Variants in NCS1 observed in about 807,000 individuals in gnomAD.
The protein encoded by NCS1 is neuronal calcium sensor 1, also known as frequenin homolog.
NCS1 carries 6 observed loss-of-function variants against 28.4 expected under a neutral mutation model. The observed-to-expected ratio is 0.21, with a 90% CI of 0.12 to 0.42. The LOEUF (loss-of-function observed/expected upper bound fraction) is 0.42, where lower values mean the gene tolerates loss of function less well. Among genes scored for constraint, NCS1 ranks in the 10% least tolerant of loss-of-function variants. NCS1 has a pLI of 1.00. For synonymous variants in NCS1, 86 were observed against 99.3 expected, an observed-to-expected ratio of 0.87 and a Z score of 0.79; for missense variants, 131 against 241.4, an observed-to-expected ratio of 0.54 and a Z score of 3.03.
chr9:130,183,695 CTTT>C (rs1208342700), intron 1 of NCS1, among the ~76,000 whole-genome samples: 2 of 151,026 alleles, frequency 1.3e-5, no homozygotes, highest in Non-Finnish European at 3.0e-5. Flanking sequence ...TCCTTTCTTT[CTTT>C]TTTTCTCTCT....
intron 2 of NCS1, among the ~76,000 whole-genome samples, chr9:130,208,807 C>T (rs564792272): frequency 2.0e-5 from 3 of 152,168 alleles, no homozygotes; most frequent in East Asian, 1.9e-4. Context: ...ATACGAGGAG[C>T]GGCCCCATTT....
At chr9:130,185,452 C>T (rs901809545) in intron 1 of NCS1, among the ~76,000 whole-genome samples, 16 of 152,144 alleles carry the variant, frequency 1.1e-4, no homozygotes, top group South Asian at 2.1e-4. Flanking sequence ...GGTTTTCCTC[C>T]GTGGCTGGGG....
intron 2 of NCS1, among the ~76,000 whole-genome samples, chr9:130,203,570 G>A (rs1161827356): frequency 6.6e-5 from 10 of 152,140 alleles, no homozygotes; most frequent in Admixed American, 3.3e-4. Context: ...TGTCCCCCAC[G>A]CCCATTGCCC....
intron 1 of NCS1, among the ~76,000 whole-genome samples, chr9:130,198,162 A>T (rs1380645086): frequency 6.6e-6 from 1 of 151,950 alleles, no homozygotes; most frequent in African/African-American, 2.4e-5. Context: ...CCTGCTGATC[A>T]CCCAGGGTTC....
At position 130,226,840 on chromosome 9, in the gene NCS1, C is replaced by T. The variant is rs1239956565; in HGVS notation, c.*17+336C>T. Among the ~76,000 whole-genome samples the T allele has an allele frequency of 6.6e-6, 1 of 151,968 alleles. No individual in the cohort carries two copies. Among genetic ancestry groups the T allele is most frequent in the Admixed American group, 6.6e-5 (1 of 15,260 alleles). ...AGGAGTTCAAGACCAGCCTGACCAA[C>T]ATGGTGAAACCCCGTCTCTACTAAA... On this transcript the variant is annotated intron_variant, in intron 7 of 7. Transcript: ENST00000372398. The surrounding 1 kb of genome is among the most constrained non-coding windows in gnomAD (Gnocchi z 4.8).
At chr9:130,179,236 T>C (rs1554904940) in intron 1 of NCS1, among the ~76,000 whole-genome samples, 1 of 151,992 alleles carries the variant, frequency 6.6e-6, no homozygotes, top group Admixed American at 6.6e-5. Context: ...CCTGGACTCA[T>C]AGTTTTCATT....
At chr9:130,224,787 A>G (rs1272853850) in intron 6 of NCS1, among the ~76,000 whole-genome samples, 1 of 152,240 alleles carries the variant, frequency 6.6e-6, no homozygotes, top group African/African-American at 2.4e-5. Context: ...GGGACTCCAA[A>G]GAAATAAGGA....
chr9:130,197,327 T>C (rs1554906959), intron 1 of NCS1, among the ~76,000 whole-genome samples: 1 of 152,172 alleles, frequency 6.6e-6, no homozygotes, highest in Non-Finnish European at 1.5e-5. Flanking sequence ...AAAAGCAAAT[T>C]GAGATGATTT....
Position 130,191,424 on chromosome 9 carries a change from AC to A in NCS1, c.65-9528del, listed in dbSNP as rs1348208573. Among the ~76,000 whole-genome samples, 1 of 151,334 alleles carries A rather than the reference AC, an allele frequency of 6.6e-6. No individual in the cohort carries two copies. Among genetic ancestry groups the A allele is most frequent in the Non-Finnish European group, 1.5e-5 (1 of 67,832 alleles). On this transcript the variant is annotated intron_variant, in intron 1 of 7. Transcript: ENST00000372398. This position sits in a 1 kb window ranked among gnomAD's most constrained non-coding sequence, Gnocchi z 6.4. ...TGGGAGATCCCCCAACAGGTGAAATACCCCCCGATTCGAGTGCTCAGCCTTC... is the reference window on the plus strand; with the variant it reads ...TGGGAGATCCCCCAACAGGTGAAATACCCCCGATTCGAGTGCTCAGCCTTC...
At position 130,226,342 on chromosome 9, in the gene NCS1, C is replaced by T; in HGVS notation, c.475-47C>T. ...CCCTGGGCTGGGCTTGTCTAGAGCC[C>T]TCTCCTGGGAGGCCCTGCACCCTCA... On this transcript the variant is annotated intron_variant, in intron 6 of 7. Coordinates refer to ENST00000372398, the MANE Select transcript of NCS1 (RefSeq NM_014286.4). This position sits in a 1 kb window ranked among gnomAD's most constrained non-coding sequence, Gnocchi z 4.8. 1.2e-5 allele frequency: 18 copies of T among 1,534,414 alleles called. No homozygotes were observed. The highest frequency in any genetic ancestry group is 1.4e-5 in the Non-Finnish European group (16 of 1,109,876).
At chr9:130,197,545 C>T (rs1439747778) in intron 1 of NCS1, among the ~76,000 whole-genome samples, 1 of 152,186 alleles carries the variant, frequency 6.6e-6, no homozygotes, top group Non-Finnish European at 1.5e-5. Flanking sequence ...GTGGTAGCTG[C>T]TCAGCAGGGG....
rs1554904550 is a variant in NCS1 at position 130,175,930 on chromosome 9, C to T, written c.64+3203C>T. Among the ~76,000 whole-genome samples the T allele has an allele frequency of 6.6e-6, 1 of 152,180 alleles. No individual in the cohort carries two copies. The highest frequency in any genetic ancestry group is 1.5e-5 in the Non-Finnish European group (1 of 68,034). ...CCTGCTGGTGAGGCTGTTGGCTTCCCCGTGTGTCCCGGCTGTGGGATGGGC... is the reference window on the plus strand; with the variant it reads ...CCTGCTGGTGAGGCTGTTGGCTTCCTCGTGTGTCCCGGCTGTGGGATGGGC... On this transcript the variant is annotated intron_variant, in intron 1 of 7. Transcript: ENST00000372398. The surrounding 1 kb of genome is among the most constrained non-coding windows in gnomAD (Gnocchi z 4.9).
At chr9:130,208,664 C>T (rs1443669881) in intron 2 of NCS1, among the ~76,000 whole-genome samples, 1 of 152,222 alleles carries the variant, frequency 6.6e-6, no homozygotes, top group African/African-American at 2.4e-5. Flanking sequence ...GAATTCTGTC[C>T]TCGCATCAAC....
At chr9:130,183,540 T>C (rs1350599678) in intron 1 of NCS1, among the ~76,000 whole-genome samples, 2 of 152,140 alleles carry the variant, frequency 1.3e-5, no homozygotes, top group African/African-American at 4.8e-5. Flanking sequence ...AGCAGGGAAG[T>C]GGGTTCAGTG....
At chr9:130,222,298 G>A (rs1007552483) in intron 4 of NCS1, among the ~76,000 whole-genome samples, 3 of 151,816 alleles carry the variant, frequency 2.0e-5, no homozygotes, top group African/African-American at 7.2e-5. Flanking sequence ...GGAACTACAG[G>A]CACCGCCACC....
At chr9:130,222,224 G>A (rs903661225) in intron 4 of NCS1, among the ~76,000 whole-genome samples, 26 of 150,598 alleles carry the variant, frequency 1.7e-4, no homozygotes, top group Admixed American at 8.0e-4. Context: ...GCTTGATCTC[G>A]GCTTATTGCA....
rs1833599385 is a variant in NCS1, at chr9:130,236,655, T to C, written c.*3683T>C. On this transcript the variant is annotated 3_prime_UTR_variant, in exon 8 of 8. Transcript: ENST00000372398. ...GCTGGTCCCATCTTCTGTCTTGGCA[T>C]CTTAGCATCCAGGCTCAGGCTCTGC... The C allele has an allele frequency of 6.6e-6, 1 of 152,260 alleles. No individual in the cohort carries two copies. Among genetic ancestry groups the C allele is most frequent in the Admixed American group, 6.6e-5 (1 of 15,236 alleles). 9.4% of individuals were successfully genotyped at this position (152,260 alleles called of 1,614,324 possible). A position where few individuals can be genotyped will look rare whatever the true frequency, so the allele number is the denominator to read the frequency against.
intron 6 of NCS1, among the ~76,000 whole-genome samples, 195 bp downstream of exon 6, chr9:130,223,354 T>C (rs1554910900): frequency 1.3e-5 from 2 of 152,048 alleles, no homozygotes. Context: ...TTGCTCAGCA[T>C]GTTTTCTTTA....
chr9:130,179,153 G>T (rs1319046201), intron 1 of NCS1, among the ~76,000 whole-genome samples: 1 of 151,222 alleles, frequency 6.6e-6, no homozygotes, highest in South Asian at 2.1e-4. Context: ...GGCTGGTCTC[G>T]AACTCCTGAC....
Sources: allele counts gnomAD v4.1 joint callset (sites outside exome capture counted in the v4.1 genomes callset), GRCh38; gene constraint gnomAD v4.1.1; non-coding constraint Gnocchi (gnomAD v3.1); transcripts MANE v1.5; gene names NCBI Gene and HGNC (gene_info 2026-07-23, HGNC 2026-07-21).